Variants in ADAMTSL1 observed in about 807,000 individuals in gnomAD.
The protein encoded by ADAMTSL1 is ADAMTS-like protein 1.
In ADAMTSL1, 126 loss-of-function variants were observed where a neutral mutation model predicts 201.8. The ratio of observed to expected loss-of-function variants is 0.62; its 90% confidence interval spans 0.54 to 0.72. ADAMTSL1 has a LOEUF of 0.72. Among genes scored for constraint, ADAMTSL1 ranks in the 30% least tolerant of loss-of-function variants. The pLI is 0.00. For synonymous variants in ADAMTSL1, 1,121 were observed against 903.4 expected (o/e 1.24, Z -4.32); for missense variants, 2,679 against 2,277.8 (o/e 1.18, Z -3.59).
chr9:18,556,956 A>G (rs150247196), intron 3 of ADAMTSL1, among the ~76,000 whole-genome samples: 1 of 152,120 alleles, frequency 6.6e-6, no homozygotes, highest in East Asian at 1.9e-4. Context: ...TATGGGGTCA[A>G]TTTATATACC....
At chr9:18,124,398 G>C (rs894923280) in intron 1 of ADAMTSL1, among the ~76,000 whole-genome samples, 1 of 151,776 alleles carries the variant, frequency 6.6e-6, no homozygotes, top group South Asian at 2.1e-4. Context: ...CTATATCTTT[G>C]GGAAAATATC....
chr9:17,919,735 G>C (rs1018761323), intron 1 of ADAMTSL1, among the ~76,000 whole-genome samples: 2 of 151,942 alleles, frequency 1.3e-5, no homozygotes, highest in African/African-American at 4.8e-5. Flanking sequence ...ATGGGTATTT[G>C]GATTTTTCCC....
chr9:18,670,859 G>A (rs1055094176), intron 9 of ADAMTSL1, among the ~76,000 whole-genome samples: 6 of 151,960 alleles, frequency 3.9e-5, no homozygotes, highest in Non-Finnish European at 7.4e-5. Flanking sequence ...TTGGTTCCAG[G>A]ACCCACCCCA....
intron 2 of ADAMTSL1, among the ~76,000 whole-genome samples, chr9:18,454,941 A>G (rs1820546160): frequency 6.6e-6 from 1 of 152,188 alleles, no homozygotes; most frequent in Non-Finnish European, 1.5e-5. Flanking sequence ...GAGGTAAAAC[A>G]AAATAGAATT....
rs1165957552 is a variant in ADAMTSL1 at position 18,023,746 on chromosome 9, A to C, written c.87+116824A>C. The stretch of plus-strand genomic sequence containing the variant: ...CCTTTTTCTGTTTCTTCGTGTAAAA[A>C]TTTCAAATAGCTGCCCTTATGTTTC... On this transcript the variant is annotated intron_variant, in intron 1 of 29. Coordinates refer to the ADAMTSL1 transcript ENST00000680146. Among the ~76,000 whole-genome samples the C allele has an allele frequency of 2.1e-4, 32 of 152,110 alleles. 2 individuals carry two copies. The highest frequency in any genetic ancestry group is 2.0e-3 in the Admixed American group (31 of 15,260).
chr9:18,610,960 G>C (rs765738042), intron 4 of ADAMTSL1, among the ~76,000 whole-genome samples: 1 of 152,088 alleles, frequency 6.6e-6, no homozygotes, highest in Non-Finnish European at 1.5e-5. Context: ...AATTTTCGGA[G>C]GTACACGTGT....
intron 13 of ADAMTSL1, among the ~76,000 whole-genome samples, chr9:18,696,635 G>A (rs58679385): frequency 0.13 from 20,016 of 151,962 alleles, 1,625 homozygotes; most frequent in South Asian, 0.24. Context: ...CAAGGTATGC[G>A]TGGCAGCCCA....
In ADAMTSL1 at chr9:18,892,423, A is replaced by T; in HGVS notation, c.4678A>T (p.Ser1560Cys). The change falls in exon 26 of 29, where the codon AGC (serine) becomes TGC (cysteine). Residue 1560 changes from serine to cysteine, a missense_variant. Coordinates refer to ENST00000380548, the MANE Select transcript of ADAMTSL1 (RefSeq NM_001040272.6). ...GACCTCCTGGTCTGCCTGTACCCGGAGCTGTGGGGGAGGTGTCCAGACCCG... is the reference window on the plus strand; with the variant it reads ...GACCTCCTGGTCTGCCTGTACCCGGTGCTGTGGGGGAGGTGTCCAGACCCG... ...MVTSWSACTRSCGGGVQTRRV... is the reference protein window; with the variant it reads ...MVTSWSACTRCCGGGVQTRRV... 1 of 1,613,468 alleles carries T rather than the reference A, an allele frequency of 6.2e-7. No homozygotes were observed.
At chr9:18,287,642 T>TGTGTATACATATACACATATATGTAG (rs1833060814) in intron 2 of ADAMTSL1, among the ~76,000 whole-genome samples, 1 of 119,156 alleles carries the variant, frequency 8.4e-6, no homozygotes, top group African/African-American at 2.8e-5. Context: ...CATATATGTA[T>TGTGTATACATATACACATATATGTAG]GTGTATACAT....
intron 25 of ADAMTSL1, among the ~76,000 whole-genome samples, chr9:18,892,063 G>T (rs1018169210): frequency 1.3e-5 from 2 of 152,142 alleles, no homozygotes; most frequent in African/African-American, 4.8e-5. Flanking sequence ...TGGTCACATT[G>T]TCTCCTCCTC....
At chr9:18,904,016 T>A (rs1291908575) in intron 26 of ADAMTSL1, among the ~76,000 whole-genome samples, 1 of 152,008 alleles carries the variant, frequency 6.6e-6, no homozygotes, top group East Asian at 1.9e-4. Flanking sequence ...TGGAGTGCAG[T>A]GGCTATTCAC....
intron 2 of ADAMTSL1, among the ~76,000 whole-genome samples, chr9:18,199,002 C>T (rs1245900895): frequency 7.0e-5 from 10 of 142,338 alleles, no homozygotes; most frequent in Non-Finnish European, 9.3e-5. Context: ...AGTAAACTAT[C>T]GCAAGAACAA....
rs573953575 is a variant in ADAMTSL1 at position 18,222,293 on chromosome 9, T to A, written c.207+58312T>A. ...TTTGTATAATTGTTCTTATTGTCAT[T>A]TGGATTCATATTTTCATAATTTCTA... On this transcript the variant is annotated intron_variant, in intron 2 of 29. Transcript: ENST00000680146. Among the ~76,000 whole-genome samples the A allele has an allele frequency of 1.4e-4, 22 of 151,986 alleles. No homozygotes were observed. In the South Asian group the frequency reaches 3.9e-3, roughly 27 times the overall value.
At chr9:18,162,862 G>C (rs1472148785) in intron 1 of ADAMTSL1, among the ~76,000 whole-genome samples, 5 of 151,890 alleles carry the variant, frequency 3.3e-5, no homozygotes, top group Non-Finnish European at 7.4e-5. Flanking sequence ...ATTTTTACTT[G>C]TTCCTTGAGC....
chr9:18,033,034 C>T (rs1031096055), intron 1 of ADAMTSL1, among the ~76,000 whole-genome samples: 1 of 152,144 alleles, frequency 6.6e-6, no homozygotes, highest in African/African-American at 2.4e-5. Flanking sequence ...CAGGCACCTC[C>T]CCACTATGCC....
At chr9:18,144,270 G>C (rs370543532) in intron 1 of ADAMTSL1, among the ~76,000 whole-genome samples, 2 of 151,618 alleles carry the variant, frequency 1.3e-5, no homozygotes, top group African/African-American at 2.4e-5. Flanking sequence ...GCAGTGGCGC[G>C]ATCTTGGCTT....
At chr9:17,994,967 C>T (rs972460182) in intron 1 of ADAMTSL1, among the ~76,000 whole-genome samples, 1 of 152,130 alleles carries the variant, frequency 6.6e-6, no homozygotes, top group African/African-American at 2.4e-5. Context: ...AAGAGATTAA[C>T]AATTTTTAAA....
intron 1 of ADAMTSL1, among the ~76,000 whole-genome samples, chr9:18,061,618 A>G (rs1035576080): frequency 1.3e-5 from 2 of 152,206 alleles, no homozygotes; most frequent in African/African-American, 4.8e-5. Context: ...AACAAAGAGC[A>G]AGTTAGATGC....
chr9:18,756,943 C>A (rs1405033329), intron 16 of ADAMTSL1, among the ~76,000 whole-genome samples: 1 of 152,196 alleles, frequency 6.6e-6, no homozygotes, highest in Non-Finnish European at 1.5e-5. Flanking sequence ...GAGTATTTGT[C>A]TGACAAATGG....
Sources: allele counts gnomAD v4.1 joint callset (sites outside exome capture counted in the v4.1 genomes callset), GRCh38; gene constraint gnomAD v4.1.1; transcripts MANE v1.5; gene names NCBI Gene and HGNC (gene_info 2026-07-23, HGNC 2026-07-21).